Variants in CNKSR3 observed in about 807,000 individuals in gnomAD.
CNKSR3 encodes the protein connector enhancer of kinase suppressor of ras 3.
Under a neutral mutation model 67.7 loss-of-function variants are expected in CNKSR3, and 36 were observed. That is an observed-to-expected ratio of 0.53 (90% CI 0.41 to 0.70). The LOEUF (loss-of-function observed/expected upper bound fraction) is 0.70, where lower values mean the gene tolerates loss of function less well. Ranked by LOEUF, CNKSR3 falls within the 30% of genes least tolerant of loss-of-function variation. The probability of loss-of-function intolerance (pLI) is 0.00; values close to 1 mark genes in which losing one functional copy is unlikely to be tolerated. For synonymous variants in CNKSR3, 281 were observed against 271.4 expected, an observed-to-expected ratio of 1.04 and a Z score of -0.35; for missense variants, 630 against 695.2, an observed-to-expected ratio of 0.91 and a Z score of 1.05.
At chr6:154,430,371 C>A in intron 6 of CNKSR3, 101 bp downstream of exon 6, 1 of 1,079,388 alleles carries the variant, frequency 9.3e-7, no homozygotes, top group South Asian at 1.7e-5. Flanking sequence ...ATTAATTCTG[C>A]TTTTCAGAAT....
chr6:154,502,130 G>C (rs1438178546), intron 1 of CNKSR3, among the ~76,000 whole-genome samples: 1 of 151,504 alleles, frequency 6.6e-6, no homozygotes, highest in African/African-American at 2.4e-5. Flanking sequence ...GGCTTTCCCT[G>C]TATTTCCTCT....
At chr6:154,490,747 T>A (rs1433133530) in intron 1 of CNKSR3, among the ~76,000 whole-genome samples, 1 of 152,190 alleles carries the variant, frequency 6.6e-6, no homozygotes, top group Admixed American at 6.5e-5. Context: ...AATGTCAAAA[T>A]GCCATGCTGT....
At chr6:154,419,437 C>G (rs532502360) in intron 9 of CNKSR3, among the ~76,000 whole-genome samples, 47 of 152,112 alleles carry the variant, frequency 3.1e-4, no homozygotes, top group Non-Finnish European at 6.5e-4. Flanking sequence ...AAATGCAAAT[C>G]AAAGCCACAG....
intron 1 of CNKSR3, among the ~76,000 whole-genome samples, chr6:154,474,727 T>G (rs1303524971): frequency 6.6e-6 from 1 of 152,066 alleles, no homozygotes; most frequent in Non-Finnish European, 1.5e-5. Context: ...GATGAGATGA[T>G]GGACTACGAC....
chr6:154,387,933 C>G lies in CNKSR3; in HGVS notation c.*18421G>C, dbSNP rs1472945894. The G allele has an allele frequency of 2.0e-5, 3 of 151,930 alleles. No individual in the cohort carries two copies. The highest frequency in any genetic ancestry group is 2.0e-4 in the Admixed American group (3 of 15,238). The allele number at this position is 151,930 out of a possible 1,614,324, so 9.4% of individuals were successfully genotyped here. A position where few individuals can be genotyped will look rare whatever the true frequency, so the allele number is the denominator to read the frequency against. ...TAAATTTGCTTTTCAAAATAAACAG[C>G]AAATTTCCTGGATGTAAGGAAGAGA... is the stretch of plus-strand genomic sequence containing the variant. On this transcript the variant is annotated 3_prime_UTR_variant, in exon 13 of 13. Coordinates refer to ENST00000607772, the MANE Select transcript of CNKSR3 (RefSeq NM_173515.4).
chr6:154,503,366 C>G (rs1390030743), intron 1 of CNKSR3, among the ~76,000 whole-genome samples: 2 of 152,142 alleles, frequency 1.3e-5, no homozygotes, highest in East Asian at 3.9e-4. Flanking sequence ...TGGCTCCCAT[C>G]TGTAATTCCA....
chr6:154,418,378 C>A (rs1326898978), intron 9 of CNKSR3, among the ~76,000 whole-genome samples: 1 of 152,188 alleles, frequency 6.6e-6, no homozygotes, highest in Non-Finnish European at 1.5e-5. Context: ...TCTAGGAAAC[C>A]TTATCTAAGA....
intron 10 of CNKSR3, 116 bp downstream of exon 10, chr6:154,414,183 A>G (rs1283993867): frequency 3.7e-6 from 4 of 1,083,338 alleles, no homozygotes; most frequent in Non-Finnish European, 5.2e-6. Flanking sequence ...TTCAAGATTC[A>G]GCCCTGTCAC....
intron 1 of CNKSR3, among the ~76,000 whole-genome samples, chr6:154,489,917 G>T (rs887232684): frequency 2.0e-5 from 3 of 152,092 alleles, no homozygotes; most frequent in African/African-American, 7.2e-5. Flanking sequence ...ACACCTCAAG[G>T]TGTGACCTCC....
intron 4 of CNKSR3, among the ~76,000 whole-genome samples, chr6:154,437,738 C>A (rs1300227146): frequency 7.0e-6 from 1 of 142,754 alleles, no homozygotes; most frequent in Admixed American, 7.0e-5. Context: ...TACTACAGAA[C>A]ATGCGCTTGT....
intron 1 of CNKSR3, among the ~76,000 whole-genome samples, chr6:154,482,960 CT>C (rs1224285497): frequency 6.6e-6 from 1 of 152,188 alleles, no homozygotes; most frequent in Non-Finnish European, 1.5e-5. Context: ...GCATTTCTGC[CT>C]GCCACGTTAG....
At chr6:154,505,987 T>G (rs1218861102) in intron 1 of CNKSR3, among the ~76,000 whole-genome samples, 12 of 152,164 alleles carry the variant, frequency 7.9e-5, no homozygotes, top group Non-Finnish European at 2.9e-5. Flanking sequence ...AAATCAAGCT[T>G]AGAGAAAAGG....
In CNKSR3 at chr6:154,450,194, C is replaced by T. The variant is rs750198555; in HGVS notation, c.117G>A (p.Gln39=). ...GGTCCTGATGGGAAATCTGCAGCAG[C>T]TGCTCGCCGTTGATCTTCTCTCGTT... The part of the protein sequence containing the change: ...KFEREKINGE[Q]LLQISHQDLE... The change falls in exon 2 of 13, where the codon CAG becomes CAA. Residue 39 remains glutamine (Q), a synonymous_variant. Transcript: ENST00000607772. 5 of 1,614,194 alleles carry T rather than the reference C, an allele frequency of 3.1e-6. No individual in the cohort carries two copies. The East Asian group carries it at 6.7e-5, about 22-fold the overall frequency.
chr6:154,483,875 T>C (rs1236088998), intron 1 of CNKSR3, among the ~76,000 whole-genome samples: 3 of 152,250 alleles, frequency 2.0e-5, no homozygotes, highest in Non-Finnish European at 4.4e-5. Flanking sequence ...CAACACTGAG[T>C]CTAGTCCCTC....
intron 1 of CNKSR3, among the ~76,000 whole-genome samples, chr6:154,463,114 T>C (rs1786116975): frequency 1.5e-5 from 2 of 129,798 alleles, no homozygotes; most frequent in East Asian, 2.1e-4. Context: ...TTTTCTTTCC[T>C]TTTTTTTTTT....
At chr6:154,457,432 G>A (rs114110354) in intron 1 of CNKSR3, among the ~76,000 whole-genome samples, 3,464 of 152,264 alleles carry the variant, frequency 0.023, 74 homozygotes, top group African/African-American at 0.053. Flanking sequence ...TTGAAACCCA[G>A]CAGTGGGCCA....
chr6:154,410,144 T>C (rs1443546690), intron 12 of CNKSR3, among the ~76,000 whole-genome samples, 199 bp downstream of exon 12: 1 of 152,240 alleles, frequency 6.6e-6, no homozygotes, highest in Non-Finnish European at 1.5e-5. Context: ...ACTAGGATTA[T>C]ATAATTTTGC....
intron 9 of CNKSR3, among the ~76,000 whole-genome samples, chr6:154,418,152 G>A (rs911812517): frequency 7.9e-5 from 12 of 152,186 alleles, no homozygotes; most frequent in African/African-American, 2.7e-4. Context: ...CTCAGCTGAC[G>A]GAGCTGCCTC....
intron 1 of CNKSR3, among the ~76,000 whole-genome samples, chr6:154,484,460 C>T (rs936578080): frequency 2.0e-5 from 3 of 152,130 alleles, no homozygotes; most frequent in African/African-American, 7.2e-5. Flanking sequence ...AATCCCAACG[C>T]TTTGGCAGGC....
Sources: gnomAD v4.1 joint callset for allele counts (sites outside exome capture counted in the v4.1 genomes callset) on GRCh38, gnomAD v4.1.1 for gene constraint, MANE v1.5 for transcripts, NCBI Gene and HGNC (gene_info 2026-07-23, HGNC 2026-07-21) for gene names.